Variants in SDK1 observed in about 807,000 individuals in gnomAD.
The protein encoded by SDK1 is sidekick cell adhesion molecule 1.
SDK1 carries 157 observed loss-of-function variants against 245.5 expected under a neutral mutation model. That is an observed-to-expected ratio of 0.64 (90% confidence interval 0.56 to 0.73). SDK1 has a LOEUF of 0.73. SDK1 is among the 30% of genes least tolerant of loss of function. The probability of loss-of-function intolerance (pLI) is 0.00; values close to 1 mark genes in which losing one functional copy is unlikely to be tolerated. For synonymous variants in SDK1, 1,647 were observed against 1,278.5 expected, an observed-to-expected ratio of 1.29 and a Z score of -6.15; for missense variants, 3,583 against 3,002.3, an observed-to-expected ratio of 1.19 and a Z score of -4.52.
At chr7:3,608,388 CAG>C (rs1279284629) in intron 1 of SDK1, among the ~76,000 whole-genome samples, 1 of 152,050 alleles carries the variant, frequency 6.6e-6, no homozygotes, top group African/African-American at 2.4e-5. Flanking sequence ...TAGTGACTGA[CAG>C]AAAAACTATG....
chr7:4,241,491 A>G (rs1449816965), intron 42 of SDK1, among the ~76,000 whole-genome samples: 1 of 152,210 alleles, frequency 6.6e-6, no homozygotes, highest in African/African-American at 2.4e-5. Flanking sequence ...CAAACAAAAA[A>G]TCAAAAAAAG....
rs577765298 is a variant in SDK1, at chr7:3,459,093, G to C, written c.298+157209G>C. On this transcript the variant is annotated intron_variant, in intron 1 of 44. Coordinates refer to ENST00000404826, the MANE Select transcript of SDK1 (RefSeq NM_152744.4). ...TGCATTAAATCTATAGATTGACCTG[G>C]GACAATTGACATCATTATAGTATTG... Among the ~76,000 whole-genome samples, 3 of 152,050 alleles carry C rather than the reference G, an allele frequency of 2.0e-5. 1 individual carries two copies. The highest frequency in any genetic ancestry group is 4.4e-5 in the Non-Finnish European group (3 of 67,986).
intron 5 of SDK1, among the ~76,000 whole-genome samples, chr7:3,866,554 A>G (rs906711758): frequency 6.6e-6 from 1 of 152,130 alleles, no homozygotes; most frequent in African/African-American, 2.4e-5. Context: ...GCAGGATGAG[A>G]TGATGAATTT....
chr7:3,471,570 A>G (rs1399462837), intron 1 of SDK1, among the ~76,000 whole-genome samples: 3 of 152,150 alleles, frequency 2.0e-5, no homozygotes, highest in Admixed American at 6.5e-5. Context: ...TTTAGACGCA[A>G]TTCAATTTTG....
chr7:3,936,584 CAAAA>C (rs35348363), intron 5 of SDK1, among the ~76,000 whole-genome samples: 25 of 139,672 alleles, frequency 1.8e-4, no homozygotes, highest in African/African-American at 6.2e-4. Flanking sequence ...GACTCCATCT[CAAAA>C]AAAAAAAAAA....
chr7:4,166,587 T>C (rs1241515064), intron 32 of SDK1, among the ~76,000 whole-genome samples: 1 of 152,194 alleles, frequency 6.6e-6, no homozygotes, highest in Non-Finnish European at 1.5e-5. Flanking sequence ...CCTCCTGTGC[T>C]CTCAGAACCA....
chr7:3,318,457 C>T (rs576732448), intron 1 of SDK1, among the ~76,000 whole-genome samples: 2 of 152,308 alleles, frequency 1.3e-5, no homozygotes, highest in Admixed American at 6.5e-5. Flanking sequence ...AAGTATTTAG[C>T]ACAGTGTCTT....
intron 38 of SDK1, among the ~76,000 whole-genome samples, chr7:4,217,487 G>GGAGAACCACACCACCCA (rs1784889442): frequency 9.9e-6 from 1 of 100,786 alleles, no homozygotes; most frequent in Non-Finnish European, 2.0e-5. Flanking sequence ...CAGGCCACCC[G>GGAGAACCACACCACCCA]GAGCACCACA....
At chr7:4,108,482 A>G (rs1783101161) in intron 22 of SDK1, among the ~76,000 whole-genome samples, 1 of 151,954 alleles carries the variant, frequency 6.6e-6, no homozygotes, top group African/African-American at 2.4e-5. Context: ...GAACTGGCTC[A>G]CTTTGGTGCC....
chr7:3,439,347 A>C (rs766839722), intron 1 of SDK1, among the ~76,000 whole-genome samples: 1 of 152,214 alleles, frequency 6.6e-6, no homozygotes, highest in Admixed American at 6.5e-5. Flanking sequence ...GTCATCATAT[A>C]TGAGTAGCAT....
chr7:4,051,609 GCTGT>G lies in SDK1; in HGVS notation c.2719-26_2719-23del, dbSNP rs745312193. The G allele has an allele frequency of 2.5e-6, 4 of 1,588,420 alleles. No homozygotes were observed. The Admixed American group carries it at 5.4e-5, about 21-fold the overall frequency. ...TGTGGAGAAATGCCATTGAAAACAG[GCTGT>G]CTTTTTCACCCTGTTCCATCTCAGC... On this transcript the variant is annotated intron_variant, in intron 18 of 44. Transcript: ENST00000404826.
intron 19 of SDK1, among the ~76,000 whole-genome samples, chr7:4,056,619 A>G (rs1036134080): frequency 6.6e-6 from 1 of 152,096 alleles, no homozygotes; most frequent in African/African-American, 2.4e-5. Context: ...GACTCCTGCA[A>G]TCCGAGCCAC....
intron 1 of SDK1, among the ~76,000 whole-genome samples, chr7:3,617,874 C>G (rs2128644320): frequency 6.6e-6 from 1 of 152,248 alleles, no homozygotes. Flanking sequence ...AGGGGACATT[C>G]AGACCGTAAC....
chr7:3,753,834 C>G (rs1779843877), intron 4 of SDK1, among the ~76,000 whole-genome samples: 1 of 152,138 alleles, frequency 6.6e-6, no homozygotes, highest in Non-Finnish European at 1.5e-5. Context: ...GAATTGAATA[C>G]TTGGTATTAC....
chr7:3,889,425 C>T (rs1317904689), intron 5 of SDK1, among the ~76,000 whole-genome samples: 1 of 152,158 alleles, frequency 6.6e-6, no homozygotes. Context: ...TCCTTCATGG[C>T]AGCTGTAGCT....
At chr7:3,698,501 C>A (rs539074482) in intron 4 of SDK1, among the ~76,000 whole-genome samples, 1 of 152,264 alleles carries the variant, frequency 6.6e-6, no homozygotes, top group African/African-American at 2.4e-5. Flanking sequence ...GACAAGGGCC[C>A]TCCTCACTCA....
chr7:4,242,904 C>T (rs1331356469), intron 43 of SDK1, among the ~76,000 whole-genome samples: 1 of 152,212 alleles, frequency 6.6e-6, no homozygotes, highest in African/African-American at 2.4e-5. Context: ...TGGGCCTTCT[C>T]CCAGCCACTG....
At chr7:3,906,223 C>G (rs1778917167) in intron 5 of SDK1, among the ~76,000 whole-genome samples, 1 of 152,094 alleles carries the variant, frequency 6.6e-6, no homozygotes, top group Admixed American at 6.6e-5. Flanking sequence ...TTCAAATCCA[C>G]CTTTTCATCG....
At chr7:3,361,452 C>A (rs1320469759) in intron 1 of SDK1, among the ~76,000 whole-genome samples, 1 of 152,214 alleles carries the variant, frequency 6.6e-6, no homozygotes, top group Non-Finnish European at 1.5e-5. Context: ...GGCTTCTCTT[C>A]CCTTCCCAGC....
Sources: gnomAD v4.1 joint callset for allele counts (sites outside exome capture counted in the v4.1 genomes callset) on GRCh38, gnomAD v4.1.1 for gene constraint, MANE v1.5 for transcripts, NCBI Gene and HGNC (gene_info 2026-07-23, HGNC 2026-07-21) for gene names.